HHAT: variants seen among roughly 807,000 people sequenced by gnomAD.
The protein encoded by HHAT is protein-cysteine N-palmitoyltransferase HHAT.
HHAT carries 47 observed loss-of-function variants against 70.8 expected under a neutral mutation model. That is an observed-to-expected ratio of 0.66 (90% CI 0.53 to 0.85). HHAT has a LOEUF of 0.85. Ranked by LOEUF, HHAT falls within the 40% of genes least tolerant of loss-of-function variation. The probability of loss-of-function intolerance (pLI) is 0.00; values close to 1 mark genes in which losing one functional copy is unlikely to be tolerated. For missense variants in HHAT, 609 were observed against 604.8 expected (o/e 1.01, Z -0.07); for synonymous variants, 228 against 247.6 (o/e 0.92, Z 0.74).
intron 3 of HHAT, among the ~76,000 whole-genome samples, chr1:210,386,193 A>G (rs1214524559): frequency 6.7e-6 from 1 of 149,244 alleles, no homozygotes; most frequent in South Asian, 2.1e-4. Context: ...GAGGAGTTCA[A>G]TATCAGTGGT....
At chr1:210,458,731 T>G (rs1467233721) in intron 7 of HHAT, among the ~76,000 whole-genome samples, 1 of 152,148 alleles carries the variant, frequency 6.6e-6, no homozygotes, top group Non-Finnish European at 1.5e-5. Context: ...GGCCTTGGCT[T>G]CTCCTTCCCA....
chr1:210,614,725 T>A (rs1667315941), intron 10 of HHAT, among the ~76,000 whole-genome samples: 1 of 152,344 alleles, frequency 6.6e-6, no homozygotes, highest in African/African-American at 2.4e-5. Flanking sequence ...TCCATGTCCC[T>A]ACAAAGGACA....
chr1:210,536,833 C>G (rs987049929), intron 9 of HHAT, among the ~76,000 whole-genome samples: 1 of 152,046 alleles, frequency 6.6e-6, no homozygotes, highest in South Asian at 2.1e-4. Context: ...CTCCTGTGTA[C>G]TTAGATGTTT....
intron 7 of HHAT, among the ~76,000 whole-genome samples, chr1:210,428,906 G>A (rs12750086): frequency 0.068 from 10,280 of 151,784 alleles, 509 homozygotes; most frequent in Non-Finnish European, 0.11. Flanking sequence ...AGCCCAGGAG[G>A]TCAAGGCTGT....
At chr1:210,611,769 G>T (rs1666630811) in intron 10 of HHAT, among the ~76,000 whole-genome samples, 1 of 152,174 alleles carries the variant, frequency 6.6e-6, no homozygotes, top group South Asian at 2.1e-4. Context: ...TAATCATGTG[G>T]TTTTTTGTCT....
At chr1:210,340,791 C>A (rs2085975712) in intron 1 of HHAT, among the ~76,000 whole-genome samples, 1 of 152,118 alleles carries the variant, frequency 6.6e-6, no homozygotes. Flanking sequence ...TTCTAGCTTT[C>A]CTAATGGATT....
chr1:210,365,309 G>GTTTTTTTTTTTTT (rs4027290), intron 3 of HHAT, among the ~76,000 whole-genome samples: 2 of 78,420 alleles, frequency 2.6e-5, no homozygotes, highest in Admixed American at 2.0e-4. Flanking sequence ...ACTGCTGACA[G>GTTTTTTTTTTTTT]TTTTTTTTTT....
At chr1:210,599,116 A>G (rs1463051199) in intron 10 of HHAT, among the ~76,000 whole-genome samples, 1 of 152,194 alleles carries the variant, frequency 6.6e-6, no homozygotes, top group East Asian at 1.9e-4. Context: ...AGAAATGTTA[A>G]TTGCACTGTC....
intron 6 of HHAT, among the ~76,000 whole-genome samples, chr1:210,408,572 T>A (rs1317308533): frequency 6.6e-6 from 1 of 152,162 alleles, no homozygotes; most frequent in Admixed American, 6.5e-5. Context: ...GTATCCAGTC[T>A]GGTAGGCAGG....
At chr1:210,545,420 T>C (rs946661423) in intron 9 of HHAT, among the ~76,000 whole-genome samples, 2 of 149,358 alleles carry the variant, frequency 1.3e-5, no homozygotes, top group Non-Finnish European at 3.0e-5. Context: ...AATTTAGTCA[T>C]GACTTCTTTT....
intron 7 of HHAT, among the ~76,000 whole-genome samples, chr1:210,438,041 C>T (rs894456875): frequency 3.3e-5 from 5 of 151,854 alleles, no homozygotes; most frequent in Admixed American, 6.6e-5. Flanking sequence ...AGCTGTTTCC[C>T]CTCCTCTACC....
intron 8 of HHAT, among the ~76,000 whole-genome samples, chr1:210,490,751 T>C (rs974502717): frequency 2.0e-5 from 3 of 152,216 alleles, no homozygotes; most frequent in Non-Finnish European, 4.4e-5. Flanking sequence ...CTGGGTGTCA[T>C]GTCTTACTTT....
At chr1:210,662,059 T>C (rs1205868605) in intron 11 of HHAT, among the ~76,000 whole-genome samples, 1 of 152,236 alleles carries the variant, frequency 6.6e-6, no homozygotes, top group African/African-American at 2.4e-5. Context: ...TTTTAACTTA[T>C]TAGTGTTAGT....
At chr1:210,599,529 C>T (rs1006895202) in intron 10 of HHAT, among the ~76,000 whole-genome samples, 1 of 152,198 alleles carries the variant, frequency 6.6e-6, no homozygotes, top group Non-Finnish European at 1.5e-5. Context: ...TATCTAGCTA[C>T]TCAAGGCTAA....
intron 6 of HHAT, among the ~76,000 whole-genome samples, chr1:210,416,020 G>A (rs919022018): frequency 1.3e-5 from 2 of 152,120 alleles, no homozygotes; most frequent in Non-Finnish European, 2.9e-5. Flanking sequence ...CAAGCAGATG[G>A]CAAAAGGGAG....
chr1:210,429,371 G>T (rs1010330100), intron 7 of HHAT, among the ~76,000 whole-genome samples: 1 of 151,592 alleles, frequency 6.6e-6, no homozygotes, highest in Non-Finnish European at 1.5e-5. Context: ...TGCGTCATTT[G>T]GTTTCATGTC....
Position 210,577,664 on chromosome 1 carries a change from TC to T in HHAT, c.1044-10233del, listed in dbSNP as rs374583472. ...TTTTTTTTTTTTTTTTTTTTTTTTTTCGAAATGGAGTCTCACTCTGTCACCC... is the reference window on the plus strand; with the variant it reads ...TTTTTTTTTTTTTTTTTTTTTTTTTTGAAATGGAGTCTCACTCTGTCACCC... On this transcript the variant is annotated intron_variant, in intron 9 of 11. Coordinates refer to ENST00000261458, the MANE Select transcript of HHAT (RefSeq NM_018194.6). Among the ~76,000 whole-genome samples the T allele has an allele frequency of 9.5e-3, 1,159 of 121,944 alleles. 184 individuals are homozygous for T. The highest frequency in any genetic ancestry group is 0.033 in the African/African-American group (851 of 26,060). The allele number at this position is 121,944 out of a possible 152,430, so 80.0% of individuals were successfully genotyped here.
intron 9 of HHAT, among the ~76,000 whole-genome samples, chr1:210,556,407 G>A (rs182467634): frequency 2.6e-4 from 40 of 152,308 alleles, no homozygotes; most frequent in African/African-American, 9.6e-4. Flanking sequence ...TCAGATATTT[G>A]TTAGGTGCAT....
At chr1:210,577,897 CA>C (rs1658265164) in intron 9 of HHAT, among the ~76,000 whole-genome samples, 1 of 152,044 alleles carries the variant, frequency 6.6e-6, no homozygotes, top group Non-Finnish European at 1.5e-5. Context: ...CTGCCTGCCT[CA>C]GCCTCTCAAA....
Sources: gnomAD v4.1 joint callset for allele counts (sites outside exome capture counted in the v4.1 genomes callset) on GRCh38, gnomAD v4.1.1 for gene constraint, MANE v1.5 for transcripts, NCBI Gene and HGNC (gene_info 2026-07-23, HGNC 2026-07-21) for gene names.